SOS1: variants seen among roughly 807,000 people sequenced by gnomAD.
The protein encoded by SOS1 is SOS Ras/Rac guanine nucleotide exchange factor 1.
A neutral mutation model predicts 157.6 loss-of-function variants in SOS1; 25 were observed. That is an observed-to-expected ratio of 0.16 (90% CI 0.12 to 0.22). SOS1 has a LOEUF of 0.22. Among genes scored for constraint, SOS1 ranks in the 10% least tolerant of loss-of-function variants. The pLI is 1.00. For missense variants in SOS1, 1,237 were observed against 1,599.1 expected (o/e 0.77, Z 3.86); for synonymous variants, 528 against 534.0 (o/e 0.99, Z 0.16).
intron 1 of SOS1, among the ~76,000 whole-genome samples, chr2:39,086,633 A>G (rs1432294643): frequency 6.6e-6 from 1 of 152,220 alleles, no homozygotes; most frequent in African/African-American, 2.4e-5. Context: ...CCATGTTGGT[A>G]AACAGGAAGG....
chr2:39,122,529 G>A (rs1289939346), upstream of SOS1, among the ~76,000 whole-genome samples: 1 of 152,058 alleles, frequency 6.6e-6, no homozygotes, highest in Non-Finnish European at 1.5e-5. Flanking sequence ...AGCACTTTGG[G>A]AGGCCGAGGT....
In SOS1 at chr2:39,037,463, T is replaced by C. The variant is rs146352624; in HGVS notation, c.865-1963A>G. 1.8e-3 allele frequency among the ~76,000 whole-genome samples: 280 copies of C among 152,356 alleles called. 3 individuals are homozygous for C. Among genetic ancestry groups the C allele is most frequent in the African/African-American group, 5.8e-3 (241 of 41,586 alleles). On this transcript the variant is annotated intron_variant, in intron 6 of 22. Transcript: ENST00000402219. ...TTTAAAACTATAATATTCTACTGTA[T>C]GAATATATCAGTTTTCTCTAATCCA... is the stretch of plus-strand genomic sequence containing the variant.
At chr2:39,026,131 G>T (rs1299916039) in intron 8 of SOS1, among the ~76,000 whole-genome samples, 13 of 151,890 alleles carry the variant, frequency 8.6e-5, no homozygotes, top group Non-Finnish European at 1.5e-5. Flanking sequence ...CTGAGGCGGG[G>T]GGATCACGAG....
rs139165111 is a variant in SOS1, at chr2:38,988,619, TAAG to T, written c.3391+648_3391+650del. ...CATTTTGATCACCTACCTTTTTTCT[TAAG>T]AATATAGTTAATTCAGCTTGTAACT... On this transcript the variant is annotated intron_variant, in intron 21 of 22. Transcript: ENST00000402219. 1.5e-3 allele frequency among the ~76,000 whole-genome samples: 225 copies of T among 152,306 alleles called. 1 individual carries two copies. Among genetic ancestry groups the T allele is most frequent in the East Asian group, 0.012 (60 of 5,192 alleles).
intron 20 of SOS1, chr2:38,992,241 C>T (rs1668757065): frequency 2.3e-5 from 1 of 43,162 alleles, no homozygotes; most frequent in Admixed American, 2.8e-4. Context: ...TACACAAAAG[C>T]AACTGATAGG....
chr2:39,049,616 C>T (rs181620589), intron 6 of SOS1, among the ~76,000 whole-genome samples: 6 of 151,952 alleles, frequency 3.9e-5, no homozygotes, highest in Admixed American at 1.3e-4. Context: ...TAGAATTTGC[C>T]TTGTTTTTTG....
intron 15 of SOS1, among the ~76,000 whole-genome samples, chr2:39,010,331 GAAAA>G (rs1325861820): frequency 4.9e-5 from 7 of 143,422 alleles, no homozygotes; most frequent in Non-Finnish European, 3.1e-5. Flanking sequence ...AAAAAAAAAA[GAAAA>G]AGAAAGAAAG....
At chr2:39,097,505 A>T (rs759795573) in intron 1 of SOS1, among the ~76,000 whole-genome samples, 17 of 151,944 alleles carry the variant, frequency 1.1e-4, no homozygotes, top group Non-Finnish European at 1.9e-4. Flanking sequence ...AGTGATTCTG[A>T]TGCTTGATAA....
At chr2:39,063,495 T>C (rs1014462023) in intron 2 of SOS1, among the ~76,000 whole-genome samples, 5 of 152,226 alleles carry the variant, frequency 3.3e-5, no homozygotes, top group African/African-American at 9.6e-5. Context: ...TCTGCAACAC[T>C]GCCTGATGGT....
intron 19 of SOS1, 26 bp from the exon 20 acceptor site, chr2:38,995,413 ATACTT>A (rs1668862301): frequency 1.3e-6 from 2 of 1,596,876 alleles, no homozygotes; most frequent in African/African-American, 1.3e-5. Flanking sequence ...AAGAAACACA[ATACTT>A]TAAACACTGT....
At chr2:39,115,382 AT>A (rs1487975748) in intron 1 of SOS1, among the ~76,000 whole-genome samples, 2 of 117,178 alleles carry the variant, frequency 1.7e-5, no homozygotes, top group Non-Finnish European at 3.7e-5. Context: ...CCATGTTGTC[AT>A]TTGTATCAAA....
At chr2:39,053,054 G>A (rs997016207) in intron 5 of SOS1, among the ~76,000 whole-genome samples, 3 of 152,166 alleles carry the variant, frequency 2.0e-5, no homozygotes, top group Admixed American at 6.5e-5. Flanking sequence ...ACGGGAGGCT[G>A]AGGCAGGAGA....
At chr2:39,099,737 A>G (rs1463193766) in intron 1 of SOS1, among the ~76,000 whole-genome samples, 3 of 152,138 alleles carry the variant, frequency 2.0e-5, no homozygotes, top group Non-Finnish European at 2.9e-5. Flanking sequence ...TACAAACCAT[A>G]TATCTTTTTT....
intron 1 of SOS1, among the ~76,000 whole-genome samples, chr2:39,088,988 G>GTA (rs1672480799): frequency 6.6e-6 from 1 of 151,784 alleles, no homozygotes; most frequent in Non-Finnish European, 1.5e-5. Flanking sequence ...TTCATTTTTG[G>GTA]TTTTTTATTT....
At chr2:39,078,892 T>C (rs553058754) in intron 1 of SOS1, among the ~76,000 whole-genome samples, 11 of 151,938 alleles carry the variant, frequency 7.2e-5, no homozygotes, top group African/African-American at 2.2e-4. Flanking sequence ...AAACCCTGTC[T>C]CCACTAAAAA....
chr2:39,082,592 C>A (rs1221006771), intron 1 of SOS1: 1 of 152,214 alleles, frequency 6.6e-6, no homozygotes, highest in Non-Finnish European at 1.5e-5. Context: ...GAGCTTAGTG[C>A]TCGCTTTGGC....
intron 10 of SOS1, among the ~76,000 whole-genome samples, chr2:39,018,299 C>A (rs558245931): frequency 4.9e-4 from 74 of 151,824 alleles, no homozygotes; most frequent in Middle Eastern, 3.4e-3. Context: ...GGTCAACAAC[C>A]AAAACTTTTT....
At chr2:38,996,671 T>G (rs1440385858) in intron 19 of SOS1, among the ~76,000 whole-genome samples, 2 of 152,186 alleles carry the variant, frequency 1.3e-5, no homozygotes, top group Non-Finnish European at 2.9e-5. Context: ...TAACATTTTT[T>G]GGGGTAAAAA....
chr2:39,058,006 TCAGA>T (rs1373856941), intron 3 of SOS1, among the ~76,000 whole-genome samples: 1 of 152,070 alleles, frequency 6.6e-6, no homozygotes, highest in Non-Finnish European at 1.5e-5. Context: ...ATAATAAAAC[TCAGA>T]CAATGTATAC....
Sources: gnomAD v4.1 joint callset for allele counts (sites outside exome capture counted in the v4.1 genomes callset) on GRCh38, gnomAD v4.1.1 for gene constraint, MANE v1.5 for transcripts, NCBI Gene and HGNC (gene_info 2026-07-23, HGNC 2026-07-21) for gene names.